Variants in STXBP5 observed in about 807,000 individuals in gnomAD.
STXBP5 encodes the protein syntaxin-binding protein 5.
Under a neutral mutation model 152.4 loss-of-function variants are expected in STXBP5, and 50 were observed. The observed-to-expected ratio is 0.33, with a 90% CI of 0.26 to 0.42. STXBP5 has a LOEUF of 0.42. Ranked by LOEUF, STXBP5 falls within the 10% of genes least tolerant of loss-of-function variation. The pLI is 1.00. For synonymous variants in STXBP5, 492 were observed against 494.7 expected, an observed-to-expected ratio of 0.99 and a Z score of 0.07; for missense variants, 1,167 against 1,388.6, an observed-to-expected ratio of 0.84 and a Z score of 2.54.
intron 2 of STXBP5, among the ~76,000 whole-genome samples, chr6:147,227,315 GTAGTA>G: frequency 6.6e-6 from 1 of 152,288 alleles, no homozygotes; most frequent in South Asian, 2.1e-4. Flanking sequence ...TAAAGATTAA[GTAGTA>G]TAGTGTAGTG....
intron 4 of STXBP5, among the ~76,000 whole-genome samples, chr6:147,244,250 C>G (rs766879407): frequency 1.5e-4 from 23 of 152,280 alleles, no homozygotes; most frequent in Non-Finnish European, 3.2e-4. Context: ...AGAGGGGTTT[C>G]TGTAACCAAT....
At chr6:147,346,768 T>C (rs1784355458) in intron 21 of STXBP5, among the ~76,000 whole-genome samples, 1 of 151,742 alleles carries the variant, frequency 6.6e-6, no homozygotes, top group African/African-American at 2.4e-5. Flanking sequence ...TAGCCAGAAG[T>C]TCAACTTTAG....
At chr6:147,331,322 C>T (rs1783556852) in intron 18 of STXBP5, among the ~76,000 whole-genome samples, 1 of 152,022 alleles carries the variant, frequency 6.6e-6, no homozygotes, top group Non-Finnish European at 1.5e-5. Context: ...TGAGATTTAT[C>T]AACAATACAT....
At position 147,387,007 on chromosome 6, in the gene STXBP5, A is replaced by G. The variant is rs972626645; in HGVS notation, c.*2252A>G. 1.3e-5 allele frequency: 2 copies of G among 151,796 alleles called. No homozygotes were observed. The highest frequency in any genetic ancestry group is 3.0e-5 in the Non-Finnish European group (2 of 67,736). 9.4% of individuals were successfully genotyped at this position (151,796 alleles called of 1,614,324 possible). On this transcript the variant is annotated 3_prime_UTR_variant, in exon 28 of 28. Transcript: ENST00000321680. ...TCAAATATAGAAGTATATACATTAG[A>G]TGGATTTCCAAGATTTTGTAAGAAA... is the stretch of plus-strand genomic sequence containing the variant.
At chr6:147,367,155 G>A (rs1785327603) in intron 25 of STXBP5, among the ~76,000 whole-genome samples, 1 of 152,176 alleles carries the variant, frequency 6.6e-6, no homozygotes, top group East Asian at 1.9e-4. Context: ...AAACTGTAGT[G>A]TTTGAGGTGA....
chr6:147,379,070 CTA>C (rs1460567480), intron 26 of STXBP5, among the ~76,000 whole-genome samples: 26 of 151,036 alleles, frequency 1.7e-4, no homozygotes, highest in Admixed American at 1.5e-3. Flanking sequence ...TTGCATATCT[CTA>C]TTTTTCTGAA....
At chr6:147,378,471 A>C (rs556038279) in intron 26 of STXBP5, among the ~76,000 whole-genome samples, 1 of 152,020 alleles carries the variant, frequency 6.6e-6, no homozygotes, top group South Asian at 2.1e-4. Flanking sequence ...ACTAAATTGC[A>C]AATGTCACTC....
At chr6:147,378,342 A>G (rs1004328455) in intron 26 of STXBP5, among the ~76,000 whole-genome samples, 10 of 151,642 alleles carry the variant, frequency 6.6e-5, no homozygotes, top group African/African-American at 2.2e-4. Context: ...AGCAAATAAT[A>G]TGTAATAAAG....
chr6:147,329,617 C>CTA (rs1783453579), intron 18 of STXBP5, among the ~76,000 whole-genome samples: 1 of 71,708 alleles, frequency 1.4e-5, no homozygotes, highest in African/African-American at 5.6e-5. Flanking sequence ...GTTCTTCAGG[C>CTA]TTTTTTTTTT....
chr6:147,310,314 A>G (rs1782301384), intron 10 of STXBP5, 76 bp downstream of exon 10: 1 of 1,150,588 alleles, frequency 8.7e-7, no homozygotes, highest in African/African-American at 1.6e-5. Flanking sequence ...TAGGTTGTTT[A>G]GATAAAACTA....
In STXBP5 at chr6:147,204,582, C is replaced by A. The variant is rs745945655; in HGVS notation, c.50C>A (p.Ser17Ter). The A allele has an allele frequency of 1.2e-6, 2 of 1,609,494 alleles. No individual in the cohort carries two copies. Among genetic ancestry groups the A allele is most frequent in the Non-Finnish European group, 1.7e-6 (2 of 1,178,192 alleles). Residue 17 changes from serine (S) to a stop codon, truncating the protein, a stop_gained, in exon 1 of 28, where the codon TCG (serine) becomes TAG (stop). Transcript: ENST00000321680. LOFTEE classifies it high-confidence loss of function. The surrounding 1 kb of genome is among the most constrained non-coding windows in gnomAD (Gnocchi z 4.3). ...GTGCTGGACGGCCTGACCGCCGGCT[C>A]GTCCTCGGCGTCGCAGCAGCAACAG... ...RKVLDGLTAG[S>*]SSASQQQQQQ...
At chr6:147,283,720 T>C (rs1242602997) in intron 8 of STXBP5, among the ~76,000 whole-genome samples, 1 of 152,188 alleles carries the variant, frequency 6.6e-6, no homozygotes, top group African/African-American at 2.4e-5. Flanking sequence ...CACTGGTGGT[T>C]ACCAGGGAAG....
chr6:147,265,894 T>G (rs554157772), intron 6 of STXBP5, among the ~76,000 whole-genome samples: 92 of 151,968 alleles, frequency 6.1e-4, no homozygotes, highest in African/African-American at 2.2e-3. Context: ...TTATATTGTG[T>G]GGTGATCCTT....
chr6:147,367,810 A>G (rs1304705843), intron 25 of STXBP5, among the ~76,000 whole-genome samples: 6 of 152,164 alleles, frequency 3.9e-5, no homozygotes, highest in African/African-American at 9.6e-5. Flanking sequence ...TAAACTATTA[A>G]TATCAGTAAT....
chr6:147,325,116 C>T (rs926237970), intron 17 of STXBP5, 32 bp downstream of exon 17: 1 of 1,446,406 alleles, frequency 6.9e-7, no homozygotes, highest in Admixed American at 2.3e-5. Context: ...TTCTAAGTCT[C>T]TTCATAGTAT....
rs1377043266 is a variant in STXBP5 at position 147,204,507 on chromosome 6, G to A, written c.-26G>A. On this transcript the variant is annotated 5_prime_UTR_variant, in exon 1 of 28. Coordinates refer to ENST00000321680, the MANE Select transcript of STXBP5 (RefSeq NM_001127715.4). The surrounding 1 kb of genome is among the most constrained non-coding windows in gnomAD (Gnocchi z 4.3). ...GGGACCCCCTGTGCCTCCCCTCCCG[G>A]GCTGCGGGGGAGCCCCTCCGAGACC... The A allele has an allele frequency of 3.1e-6, 5 of 1,608,328 alleles. No homozygotes were observed. The African/African-American group carries it at 6.7e-5, about 22-fold the overall frequency.
intron 2 of STXBP5, among the ~76,000 whole-genome samples, chr6:147,211,183 G>A (rs1353102516): frequency 2.0e-5 from 3 of 151,898 alleles, no homozygotes. Flanking sequence ...GGTGGTGCAC[G>A]CCTGTAATCC....
At position 147,389,001 on chromosome 6, in the gene STXBP5, T is replaced by C. The variant is rs1786466928; in HGVS notation, c.*4246T>C. The stretch of plus-strand genomic sequence containing the variant: ...CTTAGACTTTTTAATCTGTATTTAC[T>C]TTGGGGGGAAAAAAGCACTCCTATA... On this transcript the variant is annotated 3_prime_UTR_variant, in exon 28 of 28. Transcript: ENST00000321680. 6.6e-6 allele frequency: 1 copy of C among 151,650 alleles called. No individual in the cohort carries two copies. The highest frequency in any genetic ancestry group is 1.5e-5 in the Non-Finnish European group (1 of 67,672). 9.4% of individuals were successfully genotyped at this position (151,650 alleles called of 1,614,324 possible). A position where few individuals can be genotyped will look rare whatever the true frequency, so the allele number is the denominator to read the frequency against.
chr6:147,281,786 G>C (rs1780714833), intron 8 of STXBP5, among the ~76,000 whole-genome samples: 2 of 152,196 alleles, frequency 1.3e-5, no homozygotes, highest in South Asian at 2.1e-4. Context: ...TATCCTTGAA[G>C]AATCTGTTCA....
Sources: gnomAD v4.1 joint callset for allele counts (sites outside exome capture counted in the v4.1 genomes callset) on GRCh38, gnomAD v4.1.1 for gene constraint, Gnocchi (gnomAD v3.1) non-coding constraint, MANE v1.5 for transcripts, NCBI Gene and HGNC (gene_info 2026-07-23, HGNC 2026-07-21) for gene names.